RAB3GAP1: variants seen among roughly 807,000 people sequenced by gnomAD.
The protein encoded by RAB3GAP1 is rab3 GTPase-activating protein catalytic subunit.
Under a neutral mutation model 130.7 loss-of-function variants are expected in RAB3GAP1, and 86 were observed. That is an observed-to-expected ratio of 0.66 (90% confidence interval 0.55 to 0.79). The LOEUF is 0.79. Ranked by LOEUF, RAB3GAP1 falls within the 30% of genes least tolerant of loss-of-function variation. The pLI, the probability that RAB3GAP1 is intolerant of heterozygous loss-of-function variation, is 0.00. For missense variants in RAB3GAP1, 1,029 were observed against 1,169.4 expected, an observed-to-expected ratio of 0.88 and a Z score of 1.75; for synonymous variants, 367 against 401.7, an observed-to-expected ratio of 0.91 and a Z score of 1.03.
intron 2 of RAB3GAP1, among the ~76,000 whole-genome samples, chr2:135,056,248 G>A (rs948136475): frequency 1.3e-5 from 2 of 151,932 alleles, no homozygotes; most frequent in Non-Finnish European, 2.9e-5. Context: ...TGTTGCCCAG[G>A]CTGGGGTGCA....
At position 135,129,991 on chromosome 2, in the gene RAB3GAP1, A is replaced by G. The variant is rs746743439; in HGVS notation, c.974-4A>G. 1.3e-6 allele frequency: 2 copies of G among 1,599,456 alleles called. No homozygotes were observed. Among genetic ancestry groups the G allele is most frequent in the South Asian group, 1.1e-5 (1 of 89,902 alleles). On this transcript the variant is annotated splice_polypyrimidine_tract_variant and splice_region_variant and intron_variant, in intron 11 of 23. Transcript: ENST00000264158. Reference sequence around the variant, plus strand: ...TGTCAAAAATAACTTTTTTTCCTACATAGGTGATTTTGTCACTGAATTTTT... The same window carrying G: ...TGTCAAAAATAACTTTTTTTCCTACGTAGGTGATTTTGTCACTGAATTTTT...
chr2:135,073,976 G>A (rs1056300744), intron 3 of RAB3GAP1, among the ~76,000 whole-genome samples: 1 of 152,114 alleles, frequency 6.6e-6, no homozygotes, highest in African/African-American at 2.4e-5. Context: ...GGGACTTCTC[G>A]ATGCACTTTC....
In RAB3GAP1 at chr2:135,058,062, C is replaced by T. The variant is rs747360968; in HGVS notation, c.126C>T (p.Asn42=). 6.2e-6 allele frequency: 10 copies of T among 1,612,922 alleles called. No individual in the cohort carries two copies. In the South Asian group the frequency reaches 8.8e-5, roughly 14 times the overall value. Residue 42 remains asparagine (N), a synonymous_variant, in exon 3 of 24, where the codon AAC becomes AAT. Transcript: ENST00000264158. The part of the protein sequence containing the change: ...EVLNDWKLIG[N]SLGKPLEKGI... ...TGAATGACTGGAAACTGATTGGAAA[C>T]TCTTTGGGAAAGCCACTCGAAAAGG...
At chr2:135,079,900 C>T (rs1313011270) in intron 3 of RAB3GAP1, among the ~76,000 whole-genome samples, 2 of 152,178 alleles carry the variant, frequency 1.3e-5, no homozygotes, top group East Asian at 3.9e-4. Flanking sequence ...GAGGCCGAGG[C>T]GGGCGGATCA....
chr2:135,169,915 A>C lies in RAB3GAP1; in HGVS notation c.*1134A>C, dbSNP rs555880724. ...AGTAAAAATGGTTATACTGAAGCATAAACCTTGCCTGTGTAATTTTAAAAA... is the reference window on the plus strand; with the variant it reads ...AGTAAAAATGGTTATACTGAAGCATCAACCTTGCCTGTGTAATTTTAAAAA... On this transcript the variant is annotated 3_prime_UTR_variant, in exon 24 of 24. Transcript: ENST00000264158. 5.9e-6 allele frequency: 2 copies of C among 337,704 alleles called. No individual in the cohort carries two copies. Among genetic ancestry groups the C allele is most frequent in the African/African-American group, 4.3e-5 (2 of 46,340 alleles). The allele number at this position is 337,704 out of a possible 1,614,324, so 20.9% of individuals were successfully genotyped here.
intron 17 of RAB3GAP1, among the ~76,000 whole-genome samples, chr2:135,144,205 C>T (rs933042203): frequency 2.0e-5 from 3 of 152,168 alleles, no homozygotes; most frequent in Non-Finnish European, 4.4e-5. Flanking sequence ...GTCCCACATC[C>T]AAGAAGAATG....
chr2:135,090,912 A>G, intron 3 of RAB3GAP1, 86 bp from the exon 4 acceptor site: 1 of 1,302,000 alleles, frequency 7.7e-7, no homozygotes, highest in Non-Finnish European at 1.1e-6. Flanking sequence ...TAGGGCAGAA[A>G]AAGGGGAAAA....
At chr2:135,112,832 TCTCACA>T (rs1238071278) in intron 5 of RAB3GAP1, among the ~76,000 whole-genome samples, 3 of 115,840 alleles carry the variant, frequency 2.6e-5, no homozygotes, top group African/African-American at 9.9e-5. Context: ...TCTCTCTCTC[TCTCACA>T]CACACACACA....
intron 2 of RAB3GAP1, among the ~76,000 whole-genome samples, chr2:135,056,431 C>T (rs1463571039): frequency 6.6e-6 from 1 of 152,212 alleles, no homozygotes; most frequent in Non-Finnish European, 1.5e-5. Flanking sequence ...GTCTTGAACT[C>T]CTGACCTCGT....
In RAB3GAP1 at chr2:135,169,646, C is replaced by A; in HGVS notation, c.*865C>A. ...AAAATACAGTCTTGGTACCTAGAGACTGTCATGCAGATAGTATAATTTGGT... is the reference window on the plus strand; with the variant it reads ...AAAATACAGTCTTGGTACCTAGAGAATGTCATGCAGATAGTATAATTTGGT... On this transcript the variant is annotated 3_prime_UTR_variant, in exon 24 of 24. Coordinates refer to ENST00000264158, the MANE Select transcript of RAB3GAP1 (RefSeq NM_012233.3). 2.3e-6 allele frequency: 1 copy of A among 427,480 alleles called. No individual in the cohort carries two copies. The highest frequency in any genetic ancestry group is 4.7e-6 in the Non-Finnish European group (1 of 210,688). The allele number at this position is 427,480 out of a possible 1,614,324, so 26.5% of individuals were successfully genotyped here. A position where few individuals can be genotyped will look rare whatever the true frequency, so the allele number is the denominator to read the frequency against.
intron 2 of RAB3GAP1, among the ~76,000 whole-genome samples, chr2:135,056,084 C>T (rs1056976348): frequency 2.6e-5 from 4 of 152,160 alleles, no homozygotes; most frequent in Admixed American, 2.0e-4. Flanking sequence ...GATCCGCCCG[C>T]CTCGGCCTCC....
At position 135,158,198 on chromosome 2, in the gene RAB3GAP1, G is replaced by T. The variant is rs1024415839; in HGVS notation, c.2289+4322G>T. On this transcript the variant is annotated intron_variant, in intron 19 of 23. Coordinates refer to ENST00000264158, the MANE Select transcript of RAB3GAP1 (RefSeq NM_012233.3). ...GGCTTTCTTCTGAAAGAGTCTAGAA[G>T]CACTGACACCCTCATAGCAGTGAGC... 2.0e-5 allele frequency among the ~76,000 whole-genome samples: 3 copies of T among 152,106 alleles called. No homozygotes were observed. In the South Asian group the frequency reaches 6.2e-4, roughly 32 times the overall value.
chr2:135,116,742 A>AGCCAAAAAAATGTCATATGCATAAT (rs1184972988), intron 7 of RAB3GAP1, among the ~76,000 whole-genome samples: 10 of 152,200 alleles, frequency 6.6e-5, no homozygotes, highest in Admixed American at 2.6e-4. Context: ...CAGAAGATTC[A>AGCCAAAAAAATGTCATATGCATAAT]GCCAAAAAAA....
chr2:135,166,072 T>G (rs1196491724), intron 23 of RAB3GAP1, among the ~76,000 whole-genome samples: 1 of 151,418 alleles, frequency 6.6e-6, no homozygotes, highest in Non-Finnish European at 1.5e-5. Context: ...CTTGGGAGGC[T>G]GAGGCAGGAG....
chr2:135,173,100 T>C (rs1282709696), downstream of RAB3GAP1, among the ~76,000 whole-genome samples: 1 of 152,144 alleles, frequency 6.6e-6, no homozygotes, highest in African/African-American at 2.4e-5. Flanking sequence ...CACTCCCAGA[T>C]GACTGACCCT....
At chr2:135,167,109 A>G (rs1382584331) in intron 23 of RAB3GAP1, among the ~76,000 whole-genome samples, 1 of 152,188 alleles carries the variant, frequency 6.6e-6, no homozygotes, top group Non-Finnish European at 1.5e-5. Context: ...CAATTTTACT[A>G]ATTAGTCAAG....
At chr2:135,140,480 G>A (rs1043349880) in intron 17 of RAB3GAP1, among the ~76,000 whole-genome samples, 2 of 152,132 alleles carry the variant, frequency 1.3e-5, no homozygotes, top group Non-Finnish European at 2.9e-5. Flanking sequence ...AATCATGCTC[G>A]TGGCTATAAT....
chr2:135,063,171 A>T (rs1689227691), intron 3 of RAB3GAP1, among the ~76,000 whole-genome samples: 1 of 152,094 alleles, frequency 6.6e-6, no homozygotes, highest in Non-Finnish European at 1.5e-5. Context: ...TGAGTAAATT[A>T]TTTTTTTAGT....
chr2:135,165,491 A>T (rs1238131638), intron 23 of RAB3GAP1, among the ~76,000 whole-genome samples: 1 of 150,796 alleles, frequency 6.6e-6, no homozygotes, highest in Non-Finnish European at 1.5e-5. Flanking sequence ...CTATGTGTCT[A>T]CACGTGGAAT....
Sources: allele counts gnomAD v4.1 joint callset (sites outside exome capture counted in the v4.1 genomes callset), GRCh38; gene constraint gnomAD v4.1.1; transcripts MANE v1.5; gene names NCBI Gene and HGNC (gene_info 2026-07-23, HGNC 2026-07-21).